The following ENO4 variants were observed in gnomAD, a reference collection of about 807,000 sequenced individuals.
The protein encoded by ENO4 is 2-phospho-D-glycerate hydro-lyase.
Under a neutral mutation model 63.2 loss-of-function variants are expected in ENO4, and 53 were observed. The ratio of observed to expected loss-of-function variants is 0.84; its 90% CI spans 0.67 to 1.05. ENO4 has a LOEUF of 1.05. ENO4 is among the 50% of genes least tolerant of loss of function. The probability of loss-of-function intolerance (pLI) is 0.00; values close to 1 mark genes in which losing one functional copy is unlikely to be tolerated. For missense variants in ENO4, 719 were observed against 772.0 expected (o/e 0.93, Z 0.81); for synonymous variants, 266 against 283.8 (o/e 0.94, Z 0.63).
chr10:116,850,097 G>A (rs1380300792), intron 1 of ENO4: 7 of 384,318 alleles, frequency 1.8e-5, no homozygotes, highest in South Asian at 1.5e-4. Flanking sequence ...ATACCTTAAT[G>A]CCCTCAGCTC....
At position 116,881,616 on chromosome 10, in the gene ENO4, T is replaced by C; in HGVS notation, c.1825T>C (p.Phe609Leu). ...AAAREPLVPTFPTQGVEESAE... is the reference protein window; with the variant it reads ...AAAREPLVPTLPTQGVEESAE... ...GGCTAGGGAGCCGCTGGTGCCCACC[T>C]TCCCCACACAAGGTGTAGAGGAATC... The change falls in exon 14 of 14, where the codon TTC becomes CTC. Residue 609 changes from phenylalanine (F) to leucine (L), a missense_variant. Phe to Leu is a conservative substitution (Grantham distance 22, BLOSUM62 0). Transcript: ENST00000341276. 1 of 1,550,432 alleles carries C rather than the reference T, an allele frequency of 6.4e-7. No individual in the cohort carries two copies. Among genetic ancestry groups the C allele is most frequent in the Non-Finnish European group, 8.7e-7 (1 of 1,146,910 alleles).
intron 10 of ENO4, chr10:116,901,477 G>C (rs1847733153): frequency 2.0e-6 from 2 of 985,010 alleles, no homozygotes; most frequent in Non-Finnish European, 2.4e-6. Flanking sequence ...ATTGTCTCCT[G>C]ACGCAGAGTC....
At chr10:116,871,090 G>A (rs760847393) in intron 8 of ENO4, 35 bp from the exon 9 acceptor site, 6 of 1,544,810 alleles carry the variant, frequency 3.9e-6, no homozygotes, top group South Asian at 3.6e-5. Context: ...TTAATGTGCT[G>A]TATTGACATG....
At chr10:116,856,881 C>T (rs891579684) in intron 3 of ENO4, among the ~76,000 whole-genome samples, 199 bp downstream of exon 3, 7 of 151,446 alleles carry the variant, frequency 4.6e-5, no homozygotes, top group Non-Finnish European at 8.8e-5. Context: ...CCCAGCTACT[C>T]GGGAGGCTGA....
rs1589759856 is a variant in ENO4 at position 116,871,022 on chromosome 10, T to A, written c.1048-103T>A. 5 of 976,654 alleles carry A rather than the reference T, an allele frequency of 5.1e-6. No individual in the cohort carries two copies. In the East Asian group the frequency reaches 1.3e-4, roughly 26 times the overall value. The allele number at this position is 976,654 out of a possible 1,614,324, so 60.5% of individuals were successfully genotyped here. On this transcript the variant is annotated intron_variant, in intron 8 of 13. Transcript: ENST00000341276. The stretch of plus-strand genomic sequence containing the variant: ...GTAGGATTGAGAATCAAAGGACTGA[T>A]CTTTGCAGAGCTATATCTGATCATA...
intron 6 of ENO4, among the ~76,000 whole-genome samples, chr10:116,862,184 C>G (rs575777819): frequency 6.6e-6 from 1 of 152,302 alleles, no homozygotes; most frequent in East Asian, 1.9e-4. Context: ...TCTAGGCTGG[C>G]CAGGCATGGT....
At chr10:116,876,944 G>A (rs1160058616) in intron 11 of ENO4, among the ~76,000 whole-genome samples, 1 of 151,130 alleles carries the variant, frequency 6.6e-6, no homozygotes, top group Non-Finnish European at 1.5e-5. Context: ...GGGAGACTCC[G>A]TCTCAAAATT....
chr10:116,881,722 G>A lies in ENO4; in HGVS notation c.*53G>A, dbSNP rs964015550. 7.5e-7 allele frequency: 1 copy of A among 1,327,832 alleles called. No individual in the cohort carries two copies. The highest frequency in any genetic ancestry group is 9.7e-7 in the Non-Finnish European group (1 of 1,025,770). 82.3% of individuals were successfully genotyped at this position (1,327,832 alleles called of 1,614,324 possible). ...CACCATCAGTATTAGTAGACCGGGA[G>A]GTCTGAAGTACGGCGCCGTGTCTCC... is the stretch of plus-strand genomic sequence containing the variant. On this transcript the variant is annotated 3_prime_UTR_variant, in exon 14 of 14. Coordinates refer to ENST00000341276, the MANE Select transcript of ENO4 (RefSeq NM_001242699.2).
At chr10:116,851,282 G>A (rs1637568) in intron 1 of ENO4, among the ~76,000 whole-genome samples, 146,356 of 152,306 alleles carry the variant, frequency 0.96, 70,579 homozygotes, top group Middle Eastern at 1. Context: ...AGATTGAGGG[G>A]CAGATCCCTA....
At position 116,868,141 on chromosome 10, in the gene ENO4, AC is replaced by A. The variant is rs557479914; in HGVS notation, c.991-507del. Among the ~76,000 whole-genome samples, 322 of 152,312 alleles carry A rather than the reference AC, an allele frequency of 2.1e-3. 1 individual carries two copies. The highest frequency in any genetic ancestry group is 6.9e-3 in the African/African-American group (287 of 41,576). ...CCCACCAGATTCACCAGATTTAATG[AC>A]CTTTGACTGTTTCAAATCAAAGTCA... On this transcript the variant is annotated intron_variant, in intron 7 of 13. Coordinates refer to ENST00000341276, the MANE Select transcript of ENO4 (RefSeq NM_001242699.2).
chr10:116,896,982 T>A (rs964258156), intron 10 of ENO4, among the ~76,000 whole-genome samples: 1 of 152,094 alleles, frequency 6.6e-6, no homozygotes, highest in Non-Finnish European at 1.5e-5. Flanking sequence ...AATTTTTGTA[T>A]TTTTAGTAGA....
intron 9 of ENO4, chr10:116,873,790 T>G (rs961313391): frequency 7.5e-6 from 6 of 804,794 alleles, no homozygotes; most frequent in Non-Finnish European, 7.5e-6. Flanking sequence ...TAACAGATTA[T>G]TCCCCTCCTA....
chr10:116,851,451 A>G lies in ENO4; in HGVS notation c.165+1720A>G, dbSNP rs969805671. Among the ~76,000 whole-genome samples the G allele has an allele frequency of 2.6e-5, 4 of 152,338 alleles. No homozygotes were observed. In the East Asian group the frequency reaches 7.7e-4, roughly 29 times the overall value. Reference sequence around the variant, plus strand: ...GGAGGTTGCAGTGAGCCGAGATTGCACCACTGCACTCCAGCCTCGGCAACA... The same window carrying G: ...GGAGGTTGCAGTGAGCCGAGATTGCGCCACTGCACTCCAGCCTCGGCAACA... On this transcript the variant is annotated intron_variant, in intron 1 of 13. Coordinates refer to ENST00000341276, the MANE Select transcript of ENO4 (RefSeq NM_001242699.2).
rs1847045920 is a variant in ENO4 at position 116,882,396 on chromosome 10, GATAA to G, written c.*729_*732del. The G allele has an allele frequency of 9.4e-6, 1 of 106,396 alleles. No homozygotes were observed. Among genetic ancestry groups the G allele is most frequent in the African/African-American group, 3.8e-5 (1 of 26,052 alleles). 6.6% of individuals were successfully genotyped at this position (106,396 alleles called of 1,614,324 possible). On this transcript the variant is annotated 3_prime_UTR_variant, in exon 14 of 14. Coordinates refer to ENST00000341276, the MANE Select transcript of ENO4 (RefSeq NM_001242699.2). ...AGCATTTAAAAAGCAATCCGCAAGT[GATAA>G]AAAAAAAAAAAAAAAATGATGTGAC...
At chr10:116,856,409 T>C (rs1246554187) in intron 2 of ENO4, 83 bp from the exon 3 acceptor site, 2 of 1,113,192 alleles carry the variant, frequency 1.8e-6, no homozygotes, top group African/African-American at 1.6e-5. Context: ...TAAAATTTCA[T>C]GCATGTTAAA....
chr10:116,892,690 TA>T (rs1847375834), intron 10 of ENO4, among the ~76,000 whole-genome samples: 2 of 152,238 alleles, frequency 1.3e-5, no homozygotes, highest in Admixed American at 1.3e-4. Flanking sequence ...AGTCACAAAT[TA>T]CTTTTCATAG....
At chr10:116,883,347 C>G (rs1847077218), downstream of ENO4, 1 of 152,056 alleles carries the variant, frequency 6.6e-6, no homozygotes, top group Admixed American at 6.6e-5. Flanking sequence ...AAGAAACAGT[C>G]ACATACCAAA....
chr10:116,866,856 C>G (rs1846563057), intron 7 of ENO4, among the ~76,000 whole-genome samples: 1 of 151,604 alleles, frequency 6.6e-6, no homozygotes, highest in African/African-American at 2.4e-5. Context: ...TTGCTGGGCT[C>G]CTAATAAAGG....
At chr10:116,891,089 G>A (rs1386255420) in intron 10 of ENO4, among the ~76,000 whole-genome samples, 3 of 152,158 alleles carry the variant, frequency 2.0e-5, no homozygotes, top group African/African-American at 7.2e-5. Flanking sequence ...TGAAATGAAG[G>A]GGGAAATGCT....
Sources: allele counts gnomAD v4.1 joint callset (sites outside exome capture counted in the v4.1 genomes callset), GRCh38; gene constraint gnomAD v4.1.1; transcripts MANE v1.5; gene names NCBI Gene and HGNC (gene_info 2026-07-23, HGNC 2026-07-21).